Variants in BMERB1 observed in about 807,000 individuals in gnomAD.
BMERB1 encodes bMERB domain containing 1.
A neutral mutation model predicts 23.6 loss-of-function variants in BMERB1; 12 were observed. That is an observed-to-expected ratio of 0.51 (90% CI 0.33 to 0.82). The LOEUF is 0.82. Ranked by LOEUF, BMERB1 falls within the 40% of genes least tolerant of loss-of-function variation. The pLI is 0.03. For missense variants in BMERB1, 247 were observed against 255.4 expected, an observed-to-expected ratio of 0.97 and a Z score of 0.22; for synonymous variants, 122 against 96.6, an observed-to-expected ratio of 1.26 and a Z score of -1.54.
intron 1 of BMERB1, among the ~76,000 whole-genome samples, chr16:15,440,169 C>T (rs1206174987): frequency 6.8e-6 from 1 of 146,312 alleles, no homozygotes; most frequent in Non-Finnish European, 1.5e-5. Flanking sequence ...TGCTTGTACT[C>T]AGGAGGCAGA....
chr16:15,536,900 C>T (rs558451756), intron 2 of BMERB1: 2 of 152,324 alleles, frequency 1.3e-5, no homozygotes, highest in Admixed American at 1.3e-4. Flanking sequence ...TCTTCTTAAT[C>T]CTTTCTTGAC....
chr16:15,538,569 T>C (rs1359426315), intron 2 of BMERB1, among the ~76,000 whole-genome samples: 2 of 152,190 alleles, frequency 1.3e-5, no homozygotes, highest in East Asian at 3.9e-4. Context: ...TTAGACCTGT[T>C]AGAACTGACC....
intron 2 of BMERB1, among the ~76,000 whole-genome samples, chr16:15,548,875 G>A (rs747046406): frequency 6.6e-6 from 1 of 152,218 alleles, no homozygotes; most frequent in Non-Finnish European, 1.5e-5. Context: ...CTTCAGAGAA[G>A]TGTGCTCTGT....
intron 3 of BMERB1, among the ~76,000 whole-genome samples, chr16:15,569,484 G>A (rs183677674): frequency 1.4e-4 from 22 of 152,252 alleles, no homozygotes; most frequent in East Asian, 1.9e-4. Context: ...CAAGGAGGAT[G>A]GGGCTAAACC....
intron 1 of BMERB1, among the ~76,000 whole-genome samples, chr16:15,446,021 T>C (rs1016260230): frequency 6.6e-6 from 1 of 152,148 alleles, no homozygotes; most frequent in Non-Finnish European, 1.5e-5. Context: ...ATGAGTCCGC[T>C]GACATGAAAT....
At chr16:15,577,579 T>C (rs991546504) in intron 3 of BMERB1, among the ~76,000 whole-genome samples, 8 of 152,220 alleles carry the variant, frequency 5.3e-5, no homozygotes, top group African/African-American at 1.9e-4. Flanking sequence ...GACGGCCAAG[T>C]GGGTGATTTG....
intron 2 of BMERB1, among the ~76,000 whole-genome samples, chr16:15,553,843 A>AGAGT (rs2030165681): frequency 6.6e-6 from 1 of 152,122 alleles, no homozygotes; most frequent in Non-Finnish European, 1.5e-5. Context: ...GGTCAAAGGG[A>AGAGT]GAGTGCACTC....
intron 2 of BMERB1, among the ~76,000 whole-genome samples, chr16:15,534,343 CTG>C (rs2052004342): frequency 6.8e-6 from 1 of 146,054 alleles, no homozygotes; most frequent in Non-Finnish European, 1.5e-5. Flanking sequence ...TGGCTCACGT[CTG>C]TAATCCTAGC....
intron 1 of BMERB1, among the ~76,000 whole-genome samples, chr16:15,500,134 A>C (rs1276779196): frequency 1.3e-5 from 2 of 152,148 alleles, no homozygotes; most frequent in African/African-American, 2.4e-5. Context: ...CCCTCCACAG[A>C]GATACCTGTG....
intron 1 of BMERB1, among the ~76,000 whole-genome samples, chr16:15,441,005 A>G (rs185592466): frequency 4.6e-5 from 7 of 152,304 alleles, no homozygotes; most frequent in African/African-American, 1.7e-4. Context: ...CAGTAAACGT[A>G]AAGGCCTTGT....
chr16:15,584,451 G>A (rs1331675047), intron 5 of BMERB1, among the ~76,000 whole-genome samples: 3 of 151,748 alleles, frequency 2.0e-5, no homozygotes, highest in Admixed American at 6.6e-5. Flanking sequence ...CCAGCTACTC[G>A]GGAAGCTGAG....
intron 1 of BMERB1, among the ~76,000 whole-genome samples, chr16:15,451,543 T>G (rs1050005573): frequency 4.7e-5 from 7 of 149,990 alleles, no homozygotes; most frequent in African/African-American, 1.7e-4. Flanking sequence ...TGGGTCACTC[T>G]TAGTATTTCT....
intron 2 of BMERB1, among the ~76,000 whole-genome samples, chr16:15,534,301 A>AAAAG (rs2052002272): frequency 7.2e-6 from 1 of 139,136 alleles, no homozygotes; most frequent in African/African-American, 2.8e-5. Context: ...AAAAAAAAAA[A>AAAAG]AAAAAAAAAA....
intron 4 of BMERB1, among the ~76,000 whole-genome samples, chr16:15,581,913 A>G (rs1455922311): frequency 6.6e-6 from 1 of 152,238 alleles, no homozygotes; most frequent in African/African-American, 2.4e-5. Flanking sequence ...TCCTTACACC[A>G]GAGCAAAGCT....
intron 5 of BMERB1, among the ~76,000 whole-genome samples, chr16:15,584,599 A>G (rs556907414): frequency 5.4e-4 from 82 of 152,196 alleles, no homozygotes; most frequent in African/African-American, 1.9e-3. Context: ...TGGATGCCCA[A>G]TTCAAACTGG....
intron 1 of BMERB1, among the ~76,000 whole-genome samples, chr16:15,485,902 A>C (rs2051364677): frequency 6.6e-6 from 1 of 152,164 alleles, no homozygotes; most frequent in African/African-American, 2.4e-5. Context: ...AAATCCAGCA[A>C]GTCCATCATT....
chr16:15,577,972 T>G (rs934697157), intron 3 of BMERB1, among the ~76,000 whole-genome samples: 1 of 152,240 alleles, frequency 6.6e-6, no homozygotes, highest in Non-Finnish European at 1.5e-5. Flanking sequence ...GAGATGGCCT[T>G]TCCCTGGCAC....
At chr16:15,459,780 T>C (rs980912520) in intron 1 of BMERB1, among the ~76,000 whole-genome samples, 2 of 152,164 alleles carry the variant, frequency 1.3e-5, no homozygotes, top group Admixed American at 6.6e-5. Flanking sequence ...GTGGTGGTCT[T>C]GATGGGGAAA....
intron 2 of BMERB1, among the ~76,000 whole-genome samples, chr16:15,557,742 A>T (rs1405652728): frequency 6.6e-6 from 1 of 152,128 alleles, no homozygotes; most frequent in African/African-American, 2.4e-5. Context: ...CTTAAGTCAT[A>T]AGGACATTTA....
Sources: gnomAD v4.1 joint callset for allele counts (sites outside exome capture counted in the v4.1 genomes callset) on GRCh38, gnomAD v4.1.1 for gene constraint, MANE v1.5 for transcripts, NCBI Gene and HGNC (gene_info 2026-07-23, HGNC 2026-07-21) for gene names.